LAMA3: variants seen among roughly 807,000 people sequenced by gnomAD.
LAMA3 encodes the protein laminin subunit alpha-3.
LAMA3 carries 281 observed loss-of-function variants against 402.0 expected under a neutral mutation model. The observed-to-expected ratio is 0.70, with a 90% CI of 0.63 to 0.77. LAMA3 has a LOEUF of 0.77. LAMA3 is among the 30% of genes least tolerant of loss of function. LAMA3 has a pLI of 0.00. For missense variants in LAMA3, 3,840 were observed against 4,215.5 expected, an observed-to-expected ratio of 0.91 and a Z score of 2.47; for synonymous variants, 1,431 against 1,558.4, an observed-to-expected ratio of 0.92 and a Z score of 1.93.
chr18:23,695,593 G>A (rs149194470), intron 1 of LAMA3, among the ~76,000 whole-genome samples: 47 of 151,814 alleles, frequency 3.1e-4, no homozygotes, highest in African/African-American at 1.1e-3. Flanking sequence ...AGGCTGAGGC[G>A]GGTGAATCAC....
At chr18:23,797,764 T>A (rs1489153772) in intron 12 of LAMA3, among the ~76,000 whole-genome samples, 2 of 152,146 alleles carry the variant, frequency 1.3e-5, no homozygotes, top group Non-Finnish European at 2.9e-5. Flanking sequence ...TTTAAAACCC[T>A]TCTAAGCTGC....
Position 23,773,495 on chromosome 18 carries a change from A to G in LAMA3, c.1183-2A>G, listed in dbSNP as rs1233101936. 1 of 1,583,916 alleles carries G rather than the reference A, an allele frequency of 6.3e-7. No homozygotes were observed. Among genetic ancestry groups the G allele is most frequent in the Non-Finnish European group, 8.6e-7 (1 of 1,160,380 alleles). ...CTTTAAGTTTCTTTTGTTTCTTTCT[A>G]GCACAACACAGCTGGAGTAAACTGT... On this transcript the variant is annotated splice_acceptor_variant, in intron 8 of 74. Transcript: ENST00000313654. LOFTEE classifies it high-confidence loss of function.
At chr18:23,744,701 A>G (rs2061619183) in intron 2 of LAMA3, among the ~76,000 whole-genome samples, 1 of 151,778 alleles carries the variant, frequency 6.6e-6, no homozygotes, top group South Asian at 2.1e-4. Flanking sequence ...GCGTGGTGGC[A>G]GGTGCCTGTG....
At chr18:23,913,031 C>A in intron 56 of LAMA3, 150 bp downstream of exon 56, 2 of 762,758 alleles carry the variant, frequency 2.6e-6, no homozygotes, top group South Asian at 1.5e-5. Flanking sequence ...AGCTTCCTCC[C>A]TGCCCACCTC....
At chr18:23,932,475 G>T (rs781146959) in intron 66 of LAMA3, 184 bp downstream of exon 66, 22 of 594,540 alleles carry the variant, frequency 3.7e-5, no homozygotes, top group Non-Finnish European at 5.8e-5. Context: ...AAAAACTCCT[G>T]GGCCCGGCCT....
intron 35 of LAMA3, among the ~76,000 whole-genome samples, chr18:23,863,442 C>T (rs766053055): frequency 9.9e-5 from 15 of 152,200 alleles, no homozygotes; most frequent in Non-Finnish European, 1.8e-4. Context: ...GAGACTCCAT[C>T]TCAACAAAAC....
intron 23 of LAMA3, among the ~76,000 whole-genome samples, chr18:23,833,019 A>G (rs184588139): frequency 5.2e-4 from 79 of 152,314 alleles, no homozygotes; most frequent in African/African-American, 1.8e-3. Context: ...TATTTTACTA[A>G]GGAGGACACC....
chr18:23,807,303 C>T (rs535663637), intron 12 of LAMA3, among the ~76,000 whole-genome samples: 1 of 152,108 alleles, frequency 6.6e-6, no homozygotes, highest in East Asian at 1.9e-4. Context: ...ATAGTGAGAC[C>T]CTACCTGTAT....
intron 68 of LAMA3, among the ~76,000 whole-genome samples, chr18:23,940,125 T>C (rs1368017181): frequency 6.6e-6 from 1 of 152,038 alleles, no homozygotes; most frequent in Non-Finnish European, 1.5e-5. Flanking sequence ...AAGAGGTTCA[T>C]TGTGGGGAAG....
At chr18:23,907,468 T>G (rs1487598031) in intron 52 of LAMA3, 82 bp from the exon 53 acceptor site, 6 of 977,300 alleles carry the variant, frequency 6.1e-6, no homozygotes, top group Non-Finnish European at 1.6e-6. Flanking sequence ...GTGCAGACAC[T>G]GGCTACTTCA....
At chr18:23,926,133 A>C (rs1012435825) in intron 62 of LAMA3, among the ~76,000 whole-genome samples, 2 of 152,200 alleles carry the variant, frequency 1.3e-5, no homozygotes, top group African/African-American at 4.8e-5. Flanking sequence ...AGATAAGAAA[A>C]CCTGCCCTTC....
intron 68 of LAMA3, among the ~76,000 whole-genome samples, chr18:23,941,097 G>C (rs560212546): frequency 6.6e-6 from 1 of 151,982 alleles, no homozygotes; most frequent in East Asian, 1.9e-4. Context: ...CACCACGCCC[G>C]GCTAATTTTT....
In LAMA3 at chr18:23,933,816, A is replaced by G; in HGVS notation, c.8743A>G (p.Ser2915Gly). The change falls in exon 67 of 75, where the codon AGT becomes GGT. Residue 2915 changes from serine (S) to glycine (G), a missense_variant. Around this residue, in one of 3 missense-constraint regions of LAMA3, gnomAD observed 840 missense variants for 981.9 expected, o/e 0.86. Transcript: ENST00000313654. ...GAGTCCTGAAGTCCTAGATTTGACCAGTAACTCTCTCAAGAGAGATGTGTC... is the reference window on the plus strand; with the variant it reads ...GAGTCCTGAAGTCCTAGATTTGACCGGTAACTCTCTCAAGAGAGATGTGTC... ...SLSPEVLDLT[S>G]NSLKRDVSLG... 1 of 1,614,166 alleles carries G rather than the reference A, an allele frequency of 6.2e-7. No individual in the cohort carries two copies. The highest frequency in any genetic ancestry group is 8.5e-7 in the Non-Finnish European group (1 of 1,179,968).
At position 23,882,050 on chromosome 18, in the gene LAMA3, C is replaced by T. The variant is rs777443886; in HGVS notation, c.5222+5C>T. On this transcript the variant is annotated splice_donor_5th_base_variant and intron_variant, in intron 40 of 74. Coordinates refer to ENST00000313654, the MANE Select transcript of LAMA3 (RefSeq NM_198129.4). ...CCCATGTCCTCACACTAACAGGTAC[C>T]GTAGCAGCTTGACATAACCTACAGG... 37 of 1,603,600 alleles carry T rather than the reference C, an allele frequency of 2.3e-5. No individual in the cohort carries two copies. The highest frequency in any genetic ancestry group is 7.7e-5 in the South Asian group (7 of 90,746).
chr18:23,901,548 C>G (rs2081072080), intron 48 of LAMA3, among the ~76,000 whole-genome samples: 1 of 152,210 alleles, frequency 6.6e-6, no homozygotes, highest in South Asian at 2.1e-4. Context: ...CAAAGCAGTG[C>G]AAACTGCTTC....
chr18:23,904,731 GTGGA>G (rs769256371), intron 51 of LAMA3, 37 bp downstream of exon 51: 2 of 1,608,356 alleles, frequency 1.2e-6, no homozygotes, highest in Non-Finnish European at 1.7e-6. Context: ...CACATTCGCT[GTGGA>G]GATGGCTGAT....
intron 63 of LAMA3, 42 bp downstream of exon 63, chr18:23,928,282 C>A (rs2145372576): frequency 3.2e-6 from 4 of 1,235,048 alleles, no homozygotes; most frequent in East Asian, 2.3e-5. Context: ...TGCTTCCCAG[C>A]CAACCCACCT....
intron 6 of LAMA3, 91 bp downstream of exon 6, chr18:23,753,903 T>G (rs2061796569): frequency 1.2e-6 from 1 of 863,038 alleles, no homozygotes; most frequent in Non-Finnish European, 1.9e-6. Flanking sequence ...TGTTTCTAGG[T>G]TCCTGTCCTC....
At chr18:23,814,640 TC>T (rs753068121) in intron 15 of LAMA3, 138 bp downstream of exon 15, 126 of 659,880 alleles carry the variant, frequency 1.9e-4, no homozygotes, top group Non-Finnish European at 2.9e-4. Flanking sequence ...TCTGATGTTT[TC>T]CCCCCACTTT....
Sources: gnomAD v4.1 joint callset for allele counts (sites outside exome capture counted in the v4.1 genomes callset) on GRCh38, gnomAD v4.1.1 for gene constraint, gnomAD v4.1.1 regional missense constraint, MANE v1.5 for transcripts, NCBI Gene and HGNC (gene_info 2026-07-23, HGNC 2026-07-21) for gene names.